DNAH9: variants seen among roughly 807,000 people sequenced by gnomAD.
DNAH9 encodes the protein dynein axonemal heavy chain 9.
A neutral mutation model predicts 471.6 loss-of-function variants in DNAH9; 345 were observed. The observed-to-expected ratio is 0.73, with a 90% CI of 0.67 to 0.80. DNAH9 has a LOEUF of 0.80. Among genes scored for constraint, DNAH9 ranks in the 30% least tolerant of loss-of-function variants. The pLI is 0.00. For missense variants in DNAH9, 5,407 were observed against 5,609.2 expected (o/e 0.96, Z 1.15); for synonymous variants, 2,093 against 2,123.6 (o/e 0.99, Z 0.40).
At chr17:11,781,858 A>C (rs1053970530) in intron 39 of DNAH9, among the ~76,000 whole-genome samples, 3 of 149,372 alleles carry the variant, frequency 2.0e-5, no homozygotes, top group Admixed American at 1.3e-4. Flanking sequence ...CAAAAAAAAA[A>C]CTACCAAACA....
In DNAH9 at chr17:11,610,441, A is replaced by G. The variant is rs1232859644; in HGVS notation, c.660A>G (p.Ala220=). Residue 220 remains alanine, a synonymous_variant, in exon 3 of 69, where the codon GCA becomes GCG. Coordinates refer to ENST00000262442, the MANE Select transcript of DNAH9 (RefSeq NM_001372.4). ...CAGTCATCTATGCCATTGAGTCTGC[A>G]GTGATCAAATGGAGCTACCAAGTCC... ...DKSVIYAIES[A]VIKWSYQVQV... The G allele has an allele frequency of 6.2e-7, 1 of 1,613,652 alleles. No individual in the cohort carries two copies. Among genetic ancestry groups the G allele is most frequent in the Non-Finnish European group, 8.5e-7 (1 of 1,179,666 alleles).
At chr17:11,868,251 A>G (rs569768879) in intron 50 of DNAH9, among the ~76,000 whole-genome samples, 2 of 152,108 alleles carry the variant, frequency 1.3e-5, no homozygotes, top group South Asian at 4.1e-4. Flanking sequence ...ATGGCCCACC[A>G]CCTGCTTTTT....
At chr17:11,788,461 C>T (rs1968950636) in intron 41 of DNAH9, among the ~76,000 whole-genome samples, 2 of 152,176 alleles carry the variant, frequency 1.3e-5, no homozygotes, top group Non-Finnish European at 2.9e-5. Context: ...AGAAAGAAAA[C>T]ATTCTCAATA....
intron 49 of DNAH9, 81 bp downstream of exon 49, chr17:11,834,979 C>A: frequency 1.3e-6 from 2 of 1,524,904 alleles, no homozygotes; most frequent in South Asian, 1.3e-5. Flanking sequence ...CCAAGAGATG[C>A]AAGGACAATG....
chr17:11,711,385 G>A (rs2150786904), intron 26 of DNAH9, among the ~76,000 whole-genome samples: 1 of 152,146 alleles, frequency 6.6e-6, no homozygotes, highest in South Asian at 2.1e-4. Context: ...AGTGACTAGT[G>A]GGCTTAATGT....
intron 63 of DNAH9, among the ~76,000 whole-genome samples, chr17:11,930,645 G>A (rs1030668148): frequency 3.3e-5 from 5 of 151,636 alleles, no homozygotes; most frequent in South Asian, 2.1e-4. Context: ...TTTTTCTGTC[G>A]TCCCAGCTAC....
At chr17:11,760,347 A>G (rs1196671637) in intron 35 of DNAH9, among the ~76,000 whole-genome samples, 7 of 152,098 alleles carry the variant, frequency 4.6e-5, no homozygotes. Flanking sequence ...TTAGAACAAG[A>G]GATGGCAAGC....
chr17:11,809,102 G>T (rs184852824), intron 44 of DNAH9, among the ~76,000 whole-genome samples: 53 of 152,308 alleles, frequency 3.5e-4, no homozygotes, highest in Non-Finnish European at 5.4e-4. Context: ...AAGGAACTGA[G>T]ATTGATCAAG....
intron 68 of DNAH9, among the ~76,000 whole-genome samples, chr17:11,963,112 C>T (rs1341939502): frequency 6.7e-6 from 1 of 148,646 alleles, no homozygotes; most frequent in South Asian, 2.2e-4. Flanking sequence ...TTATCATGAA[C>T]CCTAAATCCA....
chr17:11,716,987 G>A (rs1169826335), intron 26 of DNAH9, among the ~76,000 whole-genome samples: 1 of 152,220 alleles, frequency 6.6e-6, no homozygotes, highest in Non-Finnish European at 1.5e-5. Flanking sequence ...AGGAGGGCAG[G>A]TTCAGGTGAG....
rs150681373 is a variant in DNAH9 at position 11,659,922 on chromosome 17, A to G, written c.2596-4911A>G. Among the ~76,000 whole-genome samples, 104 of 152,296 alleles carry G rather than the reference A, an allele frequency of 6.8e-4. 2 individuals carry two copies. In the East Asian group the frequency reaches 0.017, roughly 24 times the overall value. On this transcript the variant is annotated intron_variant, in intron 14 of 68. Transcript: ENST00000262442. ...TGGTGTTTGGTCTGATTACCCCAAC[A>G]TTATGTGTCTATGGGATCTGTAGTG...
intron 60 of DNAH9, among the ~76,000 whole-genome samples, chr17:11,904,747 G>A (rs945871500): frequency 3.3e-5 from 5 of 151,864 alleles, no homozygotes; most frequent in African/African-American, 1.2e-4. Flanking sequence ...GTAGGAGAAT[G>A]AGCCCAGTCG....
At chr17:11,914,902 C>A (rs1973891599) in intron 61 of DNAH9, among the ~76,000 whole-genome samples, 1 of 152,092 alleles carries the variant, frequency 6.6e-6, no homozygotes, top group African/African-American at 2.4e-5. Context: ...AAAAATTTTT[C>A]TGTTATATTT....
intron 63 of DNAH9, among the ~76,000 whole-genome samples, chr17:11,931,272 T>C (rs1162804530): frequency 6.6e-6 from 1 of 152,190 alleles, no homozygotes; most frequent in African/African-American, 2.4e-5. Context: ...CATCTTGTCA[T>C]AGTACCAGTG....
Position 11,756,569 on chromosome 17 carries a change from T to G in DNAH9, c.6740T>G (p.Val2247Gly). The G allele has an allele frequency of 1.2e-6, 2 of 1,604,138 alleles. No homozygotes were observed. Among genetic ancestry groups the G allele is most frequent in the Non-Finnish European group, 1.7e-6 (2 of 1,170,814 alleles). The stretch of plus-strand genomic sequence containing the variant: ...CATGCCCTTCCCTGTTGTCTCCAGG[T>G]GCTGACATTGGCCAGCAATGAGAGG... ...SLNTVMDDNK[V>G]LTLASNERIP... Residue 2247 changes from valine (V) to glycine (G), a missense_variant and splice_region_variant, in exon 34 of 69, where the codon GTG (valine) becomes GGG (glycine). Around this residue, in one of 3 missense-constraint regions of DNAH9, gnomAD observed 4,636 missense variants for 4,900.3 expected, o/e 0.95. Transcript: ENST00000262442.
chr17:11,905,461 G>A (rs1973562894), intron 60 of DNAH9, among the ~76,000 whole-genome samples, 200 bp from the exon 61 acceptor site: 3 of 152,166 alleles, frequency 2.0e-5, no homozygotes, highest in Admixed American at 2.0e-4. Flanking sequence ...CCAGATCCAG[G>A]TGAGCAGCTC....
At position 11,762,758 on chromosome 17, in the gene DNAH9, G is replaced by GTTTTTT. The variant is rs111963634; in HGVS notation, c.6996-676_6996-671dup. Among the ~76,000 whole-genome samples, 95 of 94,744 alleles carry GTTTTTT rather than the reference G, an allele frequency of 1.0e-3. 2 individuals are homozygous for GTTTTTT. Among genetic ancestry groups the GTTTTTT allele is most frequent in the Admixed American group, 2.2e-3 (16 of 7,288 alleles). The allele number at this position is 94,744 out of a possible 152,430, so 62.2% of individuals were successfully genotyped here. On this transcript the variant is annotated intron_variant, in intron 35 of 68. Coordinates refer to ENST00000262442, the MANE Select transcript of DNAH9 (RefSeq NM_001372.4). The stretch of plus-strand genomic sequence containing the variant: ...GCACCAAAATTGCCTCTTTAGGTGC[G>GTTTTTT]TTTTTTTTTTTGTTTTTTTTTTTTT...
intron 49 of DNAH9, among the ~76,000 whole-genome samples, chr17:11,844,138 A>G (rs751335761): frequency 2.6e-5 from 4 of 151,762 alleles, no homozygotes; most frequent in Non-Finnish European, 5.9e-5. Flanking sequence ...AAGTTTTCAG[A>G]TCAGTTTTTA....
At position 11,781,045 on chromosome 17, in the gene DNAH9, G is replaced by A. The variant is rs374227428; in HGVS notation, c.7589G>A (p.Arg2530Lys). The change falls in exon 39 of 69, where the codon AGA (arginine) becomes AAA (lysine). Residue 2530 changes from arginine to lysine, a missense_variant. Arg to Lys is a conservative substitution (Grantham distance 26, BLOSUM62 2). This residue lies in a region of DNAH9 where 4,636 missense variants were observed against 4,900.3 expected (regional missense o/e 0.95). Transcript: ENST00000262442. ...AAGCCTCTGGAAAAGAAGGCTGGCA[G>A]AAACTATGGCCCTCCAGGGAACAAG... ...LEKPLEKKAGRNYGPPGNKKL... is the reference protein window; with the variant it reads ...LEKPLEKKAGKNYGPPGNKKL... The A allele has an allele frequency of 7.4e-6, 12 of 1,614,034 alleles. No individual in the cohort carries two copies. In the African/African-American group the frequency reaches 1.3e-4, roughly 18 times the overall value.
Sources: gnomAD v4.1 joint callset for allele counts (sites outside exome capture counted in the v4.1 genomes callset) on GRCh38, gnomAD v4.1.1 for gene constraint, gnomAD v4.1.1 regional missense constraint, MANE v1.5 for transcripts, NCBI Gene and HGNC (gene_info 2026-07-23, HGNC 2026-07-21) for gene names.